Variants in CRTC1 observed in about 807,000 individuals in gnomAD.
The protein encoded by CRTC1 is CREB-regulated transcription coactivator 1.
In CRTC1, 18 loss-of-function variants were observed where a neutral mutation model predicts 66.1. The observed-to-expected ratio is 0.27, with a 90% CI of 0.19 to 0.40. The LOEUF (loss-of-function observed/expected upper bound fraction) is 0.40, where lower values mean the gene tolerates loss of function less well. Ranked by LOEUF, CRTC1 falls within the 10% of genes least tolerant of loss-of-function variation. The pLI, the probability that CRTC1 is intolerant of heterozygous loss-of-function variation, is 1.00. For synonymous variants in CRTC1, 416 were observed against 398.8 expected (o/e 1.04, Z -0.51); for missense variants, 669 against 887.9 (o/e 0.75, Z 3.13).
At position 18,768,991 on chromosome 19, in the gene CRTC1, T is replaced by A. The variant is rs2054802465; in HGVS notation, c.1320+198T>A. On this transcript the variant is annotated intron_variant, in intron 10 of 13. Transcript: ENST00000321949. The surrounding 1 kb of genome is among the most constrained non-coding windows in gnomAD (Gnocchi z 5.6). ...TCACTCCCTGTAGAGATGGAGAAAC[T>A]GAGGCACGAGCAGGTGGCTGGCCCC... 6.6e-6 allele frequency among the ~76,000 whole-genome samples: 1 copy of A among 152,194 alleles called. No homozygotes were observed. Among genetic ancestry groups the A allele is most frequent in the Non-Finnish European group, 1.5e-5 (1 of 68,036 alleles).
At chr19:18,703,958 T>C (rs1212388212) in intron 1 of CRTC1, among the ~76,000 whole-genome samples, 7 of 152,186 alleles carry the variant, frequency 4.6e-5, no homozygotes, top group Non-Finnish European at 8.8e-5. Context: ...GGTTCCTCAA[T>C]GTCTCCTCAT....
intron 5 of CRTC1, among the ~76,000 whole-genome samples, chr19:18,750,786 G>A (rs1426044338): frequency 1.3e-5 from 2 of 152,212 alleles, no homozygotes; most frequent in Non-Finnish European, 2.9e-5. Context: ...CAGCAGAGAC[G>A]GGAGGGAGAA....
At chr19:18,700,368 C>A (rs890336166) in intron 1 of CRTC1, among the ~76,000 whole-genome samples, 8 of 152,178 alleles carry the variant, frequency 5.3e-5, no homozygotes, top group African/African-American at 1.9e-4. Flanking sequence ...ATTTCAACAG[C>A]CCAGAGACCA....
At chr19:18,723,922 G>T (rs533783955) in intron 1 of CRTC1, among the ~76,000 whole-genome samples, 1 of 152,348 alleles carries the variant, frequency 6.6e-6, no homozygotes, top group African/African-American at 2.4e-5. Context: ...TGCGCTTGGA[G>T]CCTCCGGGAG....
At position 18,703,515 on chromosome 19, in the gene CRTC1, G is replaced by A. The variant is rs570186695; in HGVS notation, c.126+19687G>A. On this transcript the variant is annotated intron_variant, in intron 1 of 13. Coordinates refer to ENST00000321949, the MANE Select transcript of CRTC1 (RefSeq NM_015321.3). ...GTTCTGTCGCCTAGGCTGGAGTGCA[G>A]TGGCACGATCTCAGCTCACTGCAAG... 1.1e-4 allele frequency among the ~76,000 whole-genome samples: 17 copies of A among 152,188 alleles called. 1 individual carries two copies. The highest frequency in any genetic ancestry group is 4.1e-4 in the African/African-American group (17 of 41,518).
intron 1 of CRTC1, among the ~76,000 whole-genome samples, chr19:18,727,578 C>A (rs1312319356): frequency 1.1e-4 from 3 of 26,224 alleles, no homozygotes; most frequent in Non-Finnish European, 1.9e-4. Flanking sequence ...AAGACTCTGT[C>A]TCAAAAAAAA....
rs559872814 is a variant in CRTC1 at position 18,709,204 on chromosome 19, A to C, written c.126+25376A>C. Among the ~76,000 whole-genome samples the C allele has an allele frequency of 3.8e-4, 58 of 152,216 alleles. No homozygotes were observed. The South Asian group carries it at 0.012, about 31-fold the overall frequency. On this transcript the variant is annotated intron_variant, in intron 1 of 13. Coordinates refer to ENST00000321949, the MANE Select transcript of CRTC1 (RefSeq NM_015321.3). ...GAGGCTTGGTGTTGGCAGGGTGCAC[A>C]TGAGGAGGTGGTAGCCAAGGGGACA...
Position 18,771,302 on chromosome 19 carries a change from A to G in CRTC1, c.1321-140A>G, listed in dbSNP as rs2054862254. The G allele has an allele frequency of 3.1e-6, 2 of 642,716 alleles. No individual in the cohort carries two copies. The highest frequency in any genetic ancestry group is 5.3e-6 in the Non-Finnish European group (2 of 380,030). The allele number at this position is 642,716 out of a possible 1,614,324, so 39.8% of individuals were successfully genotyped here. On this transcript the variant is annotated intron_variant, in intron 10 of 13. Coordinates refer to ENST00000321949, the MANE Select transcript of CRTC1 (RefSeq NM_015321.3). This position sits in a 1 kb window ranked among gnomAD's most constrained non-coding sequence, Gnocchi z 4.6. ...AGGTGTCCAGGCTCCTCTGCCTACC[A>G]GTGGGGTGGCGACCATCACCAAGGT...
At chr19:18,701,662 A>G (rs150675940) in intron 1 of CRTC1, among the ~76,000 whole-genome samples, 10,048 of 151,712 alleles carry the variant, frequency 0.066, 495 homozygotes, top group East Asian at 0.26. Context: ...CTGGAGTGCA[A>G]TGGCGCCATC....
At chr19:18,690,900 C>T (rs923974837) in intron 1 of CRTC1, among the ~76,000 whole-genome samples, 11 of 151,912 alleles carry the variant, frequency 7.2e-5, no homozygotes, top group Non-Finnish European at 1.6e-4. Context: ...GTGGTGAGCG[C>T]CTGTAGTCCC....
In CRTC1 at chr19:18,768,471, C is replaced by T; in HGVS notation, c.1012-14C>T. 2 of 1,606,450 alleles carry T rather than the reference C, an allele frequency of 1.2e-6. No homozygotes were observed. The highest frequency in any genetic ancestry group is 1.7e-6 in the Non-Finnish European group (2 of 1,178,322). ...ACCAGGGCCCGCCCTGCCTGACGCT[C>T]TCCTCTCCTGCAGGCTGTAGCCATG... On this transcript the variant is annotated splice_polypyrimidine_tract_variant and intron_variant, in intron 9 of 13. Coordinates refer to ENST00000321949, the MANE Select transcript of CRTC1 (RefSeq NM_015321.3). The surrounding 1 kb of genome is among the most constrained non-coding windows in gnomAD (Gnocchi z 5.6).
In CRTC1 at chr19:18,741,763, T is replaced by TA. The variant is rs1464118435; in HGVS notation, c.127-1146dup. 6.6e-5 allele frequency among the ~76,000 whole-genome samples: 10 copies of TA among 152,170 alleles called. No homozygotes were observed. On this transcript the variant is annotated intron_variant, in intron 1 of 13. Transcript: ENST00000321949. This position sits in a 1 kb window ranked among gnomAD's most constrained non-coding sequence, Gnocchi z 4.2. ...ACCCAATAACACACAAGGTTAATCT[T>TA]ACCATCGGCTCCACTTCAGCTCACA...
intron 11 of CRTC1, 131 bp from the exon 12 acceptor site, chr19:18,774,769 A>T: frequency 1.3e-6 from 1 of 792,392 alleles, no homozygotes; most frequent in Non-Finnish European, 2.1e-6. Flanking sequence ...ACCCCAAAAT[A>T]AGCATCATCA....
At chr19:18,752,637 CTT>C (rs1346309642) in intron 5 of CRTC1, among the ~76,000 whole-genome samples, 1 of 150,896 alleles carries the variant, frequency 6.6e-6, no homozygotes, top group Non-Finnish European at 1.5e-5. Context: ...CTTTGTCTCT[CTT>C]TCTTTCTTTT....
At chr19:18,715,657 C>G (rs760886322) in intron 1 of CRTC1, among the ~76,000 whole-genome samples, 2 of 152,238 alleles carry the variant, frequency 1.3e-5, no homozygotes, top group Non-Finnish European at 2.9e-5. Context: ...GGCCTGTCCT[C>G]CCCTCTTCCC....
chr19:18,702,590 A>G (rs1436324210), intron 1 of CRTC1, among the ~76,000 whole-genome samples: 6 of 148,106 alleles, frequency 4.1e-5, no homozygotes, highest in African/African-American at 1.3e-4. Flanking sequence ...CTGGAGTGCA[A>G]TGGCACAATC....
chr19:18,716,457 G>A (rs992162127), intron 1 of CRTC1, among the ~76,000 whole-genome samples: 35 of 152,198 alleles, frequency 2.3e-4, no homozygotes, highest in African/African-American at 7.2e-4. Context: ...TCACCATGTT[G>A]GCCAGGCTGG....
intron 11 of CRTC1, 58 bp from the exon 12 acceptor site, chr19:18,774,842 G>A: frequency 6.4e-7 from 1 of 1,556,562 alleles, no homozygotes; most frequent in Non-Finnish European, 8.8e-7. Flanking sequence ...CTTGGGAGGT[G>A]CCGACTTCCC....
At position 18,713,763 on chromosome 19, in the gene CRTC1, C is replaced by T. The variant is rs193081763; in HGVS notation, c.127-29147C>T. 7.9e-5 allele frequency among the ~76,000 whole-genome samples: 12 copies of T among 152,364 alleles called. No homozygotes were observed. The East Asian group carries it at 1.5e-3, about 20-fold the overall frequency. On this transcript the variant is annotated intron_variant, in intron 1 of 13. Transcript: ENST00000321949. The stretch of plus-strand genomic sequence containing the variant: ...GCAAAGGCCCAAGTATATGAAGTGG[C>T]GTGCCCAGGCACAGAGCCCCTTTCT...
Sources: gnomAD v4.1 joint callset for allele counts (sites outside exome capture counted in the v4.1 genomes callset) on GRCh38, gnomAD v4.1.1 for gene constraint, Gnocchi (gnomAD v3.1) non-coding constraint, MANE v1.5 for transcripts, NCBI Gene and HGNC (gene_info 2026-07-23, HGNC 2026-07-21) for gene names.